RXFP2: variants seen among roughly 807,000 people sequenced by gnomAD.
RXFP2 encodes the protein relaxin family peptide receptor 2.
In RXFP2, 68 loss-of-function variants were observed where a neutral mutation model predicts 88.6. The observed-to-expected ratio is 0.77, with a 90% CI of 0.63 to 0.94. The LOEUF (loss-of-function observed/expected upper bound fraction) is 0.94, where lower values mean the gene tolerates loss of function less well. RXFP2 is among the 40% of genes least tolerant of loss of function. RXFP2 has a pLI of 0.00. For synonymous variants in RXFP2, 329 were observed against 306.8 expected (o/e 1.07, Z -0.76); for missense variants, 791 against 893.9 (o/e 0.88, Z 1.47).
intron 11 of RXFP2, among the ~76,000 whole-genome samples, chr13:31,783,028 T>G (rs1259091152): frequency 6.6e-6 from 1 of 152,212 alleles, no homozygotes; most frequent in African/African-American, 2.4e-5. Context: ...TTCCATGGCT[T>G]CTTAAACACA....
intron 2 of RXFP2, among the ~76,000 whole-genome samples, chr13:31,761,130 G>A (rs1872282519): frequency 6.6e-6 from 1 of 151,792 alleles, no homozygotes; most frequent in African/African-American, 2.4e-5. Flanking sequence ...AATTTTTTCT[G>A]TTTTGTAAAG....
At chr13:31,764,973 A>T in intron 3 of RXFP2, 64 bp from the exon 4 acceptor site, 1 of 898,802 alleles carries the variant, frequency 1.1e-6, no homozygotes, top group Non-Finnish European at 1.9e-6. Flanking sequence ...ATCAGTTATT[A>T]AAGGCAAAGT....
chr13:31,753,508 A>G (rs1158812880), intron 1 of RXFP2, among the ~76,000 whole-genome samples: 1 of 152,132 alleles, frequency 6.6e-6, no homozygotes, highest in Non-Finnish European at 1.5e-5. Flanking sequence ...CACTGCTACC[A>G]TGCGGGCATC....
chr13:31,745,519 T>C (rs537553164), intron 1 of RXFP2, among the ~76,000 whole-genome samples: 1 of 152,218 alleles, frequency 6.6e-6, no homozygotes, highest in Non-Finnish European at 1.5e-5. Context: ...CTTGGCTTCA[T>C]GCAGATCCCA....
At chr13:31,792,253 A>G (rs75374776) in intron 15 of RXFP2, among the ~76,000 whole-genome samples, 3,466 of 152,064 alleles carry the variant, frequency 0.023, 127 homozygotes, top group African/African-American at 0.08. Flanking sequence ...ATGTCTTGGG[A>G]ATGGGCTAAT....
At chr13:31,777,270 C>A in intron 7 of RXFP2, 106 bp from the exon 8 acceptor site, 1 of 758,068 alleles carries the variant, frequency 1.3e-6, no homozygotes. Context: ...GACAGGTGAG[C>A]CAAGTATGGA....
rs144573990 is a variant in RXFP2, at chr13:31,758,392, G to A, written c.229G>A (p.Glu77Lys). The A allele has an allele frequency of 2.7e-5, 43 of 1,613,976 alleles. No individual in the cohort carries two copies. Among genetic ancestry groups the A allele is most frequent in the Non-Finnish European group, 3.1e-5 (37 of 1,179,998 alleles). Residue 77 changes from glutamate to lysine, a missense_variant, in exon 2 of 18, where the codon GAA becomes AAA. Transcript: ENST00000298386. ...GGATGACTGTGGGAACGGGGCGGAC[G>A]AAGAGAACTGTGGTGAGTGCTCCCC... The part of the protein sequence containing the change: ...GKDDCGNGAD[E>K]ENCGDTSGWA...
intron 5 of RXFP2, among the ~76,000 whole-genome samples, chr13:31,773,756 AT>A (rs1223919873): frequency 6.6e-6 from 1 of 152,216 alleles, no homozygotes; most frequent in African/African-American, 2.4e-5. Flanking sequence ...TGAGCATGTG[AT>A]CTACAAATAG....
At chr13:31,786,231 C>T (rs540058858) in intron 11 of RXFP2, 152 bp from the exon 12 acceptor site, 8 of 703,846 alleles carry the variant, frequency 1.1e-5, no homozygotes, top group Non-Finnish European at 1.6e-5. Context: ...TTGGCTGACT[C>T]ATACGGCCCT....
chr13:31,753,910 C>T (rs1871793758), intron 1 of RXFP2, among the ~76,000 whole-genome samples: 1 of 151,352 alleles, frequency 6.6e-6, no homozygotes, highest in Non-Finnish European at 1.5e-5. Context: ...ATGGAAGCCA[C>T]AGAGAGAAAA....
At chr13:31,787,513 C>G (rs1372191528) in intron 13 of RXFP2, among the ~76,000 whole-genome samples, 1 of 152,212 alleles carries the variant, frequency 6.6e-6, no homozygotes, top group East Asian at 1.9e-4. Flanking sequence ...TTACCGCATA[C>G]TGCATTTCTG....
At chr13:31,800,405 C>T (rs1042391847) in intron 17 of RXFP2, among the ~76,000 whole-genome samples, 2 of 152,086 alleles carry the variant, frequency 1.3e-5, no homozygotes, top group Non-Finnish European at 2.9e-5. Flanking sequence ...CCCGTCTCTA[C>T]TGAAAATATA....
chr13:31,767,476 A>G (rs1466741057), intron 5 of RXFP2, among the ~76,000 whole-genome samples: 1 of 152,192 alleles, frequency 6.6e-6, no homozygotes, highest in African/African-American at 2.4e-5. Flanking sequence ...AGATGAATCA[A>G]TATTGTCTTT....
chr13:31,768,364 C>T (rs1233968453), intron 5 of RXFP2, among the ~76,000 whole-genome samples: 1 of 152,310 alleles, frequency 6.6e-6, no homozygotes, highest in South Asian at 2.1e-4. Context: ...GGGGATAAAA[C>T]ACAATTGCTT....
chr13:31,793,032 A>G lies in RXFP2; in HGVS notation c.1730A>G (p.Tyr577Cys), dbSNP rs765770444. The change falls in exon 16 of 18, where the codon TAT (tyrosine) becomes TGT (cysteine). Residue 577 changes from tyrosine (Y) to cysteine (C), a missense_variant. By Grantham distance (194) the Tyr-to-Cys change is radical (BLOSUM62 -2). Coordinates refer to ENST00000298386, the MANE Select transcript of RXFP2 (RefSeq NM_130806.5). ...AAAAATGGAGTATGTTTCCCACTTT[A>G]TTATGACCAAACAGAAGATATTGGA... ...YGKNGVCFPL[Y>C]YDQTEDIGSK... The G allele has an allele frequency of 1.9e-6, 3 of 1,613,654 alleles. No individual in the cohort carries two copies. Among genetic ancestry groups the G allele is most frequent in the East Asian group, 2.2e-5 (1 of 44,884 alleles).
At chr13:31,771,141 A>G (rs1872722194) in intron 5 of RXFP2, among the ~76,000 whole-genome samples, 1 of 152,244 alleles carries the variant, frequency 6.6e-6, no homozygotes, top group Non-Finnish European at 1.5e-5. Flanking sequence ...AGCAGAGAAC[A>G]GACATGCACA....
intron 5 of RXFP2, among the ~76,000 whole-genome samples, chr13:31,774,262 A>T (rs1216113272): frequency 6.6e-6 from 1 of 152,232 alleles, no homozygotes; most frequent in East Asian, 1.9e-4. Flanking sequence ...AAGAGGAAGA[A>T]AGTTCAGCAG....
intron 1 of RXFP2, among the ~76,000 whole-genome samples, chr13:31,742,044 A>T (rs1871241036): frequency 6.6e-6 from 1 of 152,152 alleles, no homozygotes; most frequent in East Asian, 1.9e-4. Context: ...TCTGTCTCTA[A>T]GAGTAAACAT....
intron 7 of RXFP2, among the ~76,000 whole-genome samples, chr13:31,777,145 G>T (rs1873025678): frequency 6.6e-6 from 1 of 152,122 alleles, no homozygotes; most frequent in Non-Finnish European, 1.5e-5. Context: ...GGTGGAGGCA[G>T]CAGGGAGAAA....
Sources: gnomAD v4.1 joint callset for allele counts (sites outside exome capture counted in the v4.1 genomes callset) on GRCh38, gnomAD v4.1.1 for gene constraint, MANE v1.5 for transcripts, NCBI Gene and HGNC (gene_info 2026-07-23, HGNC 2026-07-21) for gene names.